The following PATL1 variants were observed in gnomAD, a reference collection of about 807,000 sequenced individuals.
The protein encoded by PATL1 is protein PAT1 homolog 1.
Under a neutral mutation model 100.6 loss-of-function variants are expected in PATL1, and 32 were observed. The observed-to-expected ratio is 0.32, with a 90% confidence interval of 0.24 to 0.43. The LOEUF is 0.43. Among genes scored for constraint, PATL1 ranks in the 20% least tolerant of loss-of-function variants. The pLI is 1.00. For missense variants in PATL1, 747 were observed against 949.9 expected, an observed-to-expected ratio of 0.79 and a Z score of 2.81; for synonymous variants, 332 against 330.0, an observed-to-expected ratio of 1.01 and a Z score of -0.07.
intron 15 of PATL1, 33 bp from the exon 16 acceptor site, chr11:59,643,068 G>A: frequency 6.2e-7 from 1 of 1,603,118 alleles, no homozygotes; most frequent in Non-Finnish European, 8.5e-7. Flanking sequence ...TTATATCCTG[G>A]CACGTGTTAC....
chr11:59,643,146 C>T (rs1861311639), intron 15 of PATL1, 111 bp from the exon 16 acceptor site: 9 of 1,143,906 alleles, frequency 7.9e-6, no homozygotes, highest in Non-Finnish European at 1.1e-5. Flanking sequence ...ACTTAAGGCA[C>T]AAGTCTGGCA....
chr11:59,642,723 C>T (rs1183537914), intron 16 of PATL1, 157 bp downstream of exon 16: 17 of 754,638 alleles, frequency 2.3e-5, no homozygotes, highest in Non-Finnish European at 2.1e-6. Context: ...TTGTTGAAAA[C>T]ACTGTTATTT....
At chr11:59,648,942 T>C (rs932064831) in intron 14 of PATL1, among the ~76,000 whole-genome samples, 2 of 152,242 alleles carry the variant, frequency 1.3e-5, no homozygotes, top group Admixed American at 6.5e-5. Flanking sequence ...CGAATAAGTA[T>C]TCAGGATTTA....
intron 3 of PATL1, 105 bp from the exon 4 acceptor site, chr11:59,659,051 G>GA (rs1300615282): frequency 9.8e-6 from 11 of 1,127,294 alleles, no homozygotes; most frequent in Non-Finnish European, 3.8e-6. Context: ...AGCTGCTTTA[G>GA]AATACGAAAT....
chr11:59,654,554 T>G (rs1861497794), intron 8 of PATL1, among the ~76,000 whole-genome samples: 1 of 151,944 alleles, frequency 6.6e-6, no homozygotes, highest in African/African-American at 2.4e-5. Context: ...ATAGTCATAT[T>G]TTTACATATC....
At chr11:59,658,582 C>T (rs1861575005) in intron 4 of PATL1, among the ~76,000 whole-genome samples, 1 of 152,068 alleles carries the variant, frequency 6.6e-6, no homozygotes, top group Non-Finnish European at 1.5e-5. Context: ...CTCAGCCTCT[C>T]AAAGTGCTGG....
At chr11:59,650,046 G>A (rs570943398) in intron 13 of PATL1, among the ~76,000 whole-genome samples, 7 of 151,636 alleles carry the variant, frequency 4.6e-5, no homozygotes, top group East Asian at 1.9e-4. Context: ...ACTTGAACCC[G>A]GTAGGCGGAG....
chr11:59,645,385 C>G (rs1031162052), intron 15 of PATL1, among the ~76,000 whole-genome samples: 9 of 124,966 alleles, frequency 7.2e-5, no homozygotes, highest in South Asian at 2.7e-4. Flanking sequence ...CACTTCCCCC[C>G]CCATCCACTT....
chr11:59,654,509 G>T, intron 8 of PATL1, among the ~76,000 whole-genome samples: 1 of 135,036 alleles, frequency 7.4e-6, no homozygotes, highest in South Asian at 2.3e-4. Context: ...AAAAAAAAAA[G>T]AGTCTATTCT....
Position 59,638,368 on chromosome 11 carries a change from A to G in PATL1, c.*22T>C, listed in dbSNP as rs1157035149. On this transcript the variant is annotated 3_prime_UTR_variant, in exon 19 of 19. Transcript: ENST00000300146. ...GTGCAGGTGGCAGCCAAAAGGAGGT[A>G]CAGGACACATTTGGAGATCTTTTAT... The G allele has an allele frequency of 6.2e-7, 1 of 1,610,258 alleles. No individual in the cohort carries two copies. Among genetic ancestry groups the G allele is most frequent in the Non-Finnish European group, 8.5e-7 (1 of 1,177,058 alleles).
intron 4 of PATL1, 141 bp downstream of exon 4, chr11:59,658,725 T>C (rs1023951610): frequency 1.1e-5 from 7 of 630,330 alleles, no homozygotes; most frequent in East Asian, 8.6e-5. Context: ...AAGAAAGGCA[T>C]AGCTAAGTGC....
Position 59,666,958 on chromosome 11 carries a change from C to A in PATL1, c.22G>T (p.Glu8Ter). 6.5e-7 allele frequency: 1 copy of A among 1,542,550 alleles called. No individual in the cohort carries two copies. The highest frequency in any genetic ancestry group is 2.0e-5 in the Admixed American group (1 of 49,226). MFRYESL[E>*]DCPLDEDEDA... Reference sequence around the variant, plus strand: ...TCATCTTCATCCAGAGGACAATCCTCCAAAGACTAAAAAAAAAGAAAAGAC... The same window carrying A: ...TCATCTTCATCCAGAGGACAATCCTACAAAGACTAAAAAAAAAGAAAAGAC... Residue 8 changes from glutamate to a stop codon, truncating the protein, a stop_gained, in exon 2 of 19, where the codon GAG becomes TAG. Coordinates refer to ENST00000300146, the MANE Select transcript of PATL1 (RefSeq NM_152716.3). LOFTEE classifies it high-confidence loss of function.
At position 59,647,641 on chromosome 11, in the gene PATL1, C is replaced by T. The variant is rs768720045; in HGVS notation, c.1893+113G>A. 1.8e-4 allele frequency: 202 copies of T among 1,154,130 alleles called. 1 individual carries two copies. Among genetic ancestry groups the T allele is most frequent in the Non-Finnish European group, 2.3e-4 (191 of 812,992 alleles). The allele number at this position is 1,154,130 out of a possible 1,614,324, so 71.5% of individuals were successfully genotyped here. A position where few individuals can be genotyped will look rare whatever the true frequency, so the allele number is the denominator to read the frequency against. ...GTTTTAAATAATCAAATCACACAGC[C>T]AAAGATTAGACAAAAATACAAAAGG... On this transcript the variant is annotated intron_variant, in intron 15 of 18. Transcript: ENST00000300146.
rs1404786477 is a variant in PATL1 at position 59,647,859 on chromosome 11, C to T, written c.1788G>A (p.Met596Ile). 2 of 1,613,904 alleles carry T rather than the reference C, an allele frequency of 1.2e-6. No individual in the cohort carries two copies. Among genetic ancestry groups the T allele is most frequent in the South Asian group, 1.1e-5 (1 of 91,080 alleles). Residue 596 changes from methionine to isoleucine, a missense_variant, in exon 15 of 19, where the codon ATG becomes ATA. By Grantham distance (10) the Met-to-Ile change is conservative. Around this residue, in one of 4 missense-constraint regions of PATL1, gnomAD observed 434 missense variants for 596.1 expected, o/e 0.73. Transcript: ENST00000300146. ...QIMCIRKGKR[M>I]VARILPFLST... ...AGAGGAAAGGAAGAATACGGGCAAC[C>T]ATTCTCTTCCCTTTTCGGATACACA...
rs765495382 is a variant in PATL1 at position 59,655,750 on chromosome 11, G to A, written c.814-10C>T. 10 of 1,573,268 alleles carry A rather than the reference G, an allele frequency of 6.4e-6. No individual in the cohort carries two copies. Among genetic ancestry groups the A allele is most frequent in the Middle Eastern group, 1.7e-4 (1 of 6,042 alleles). ...TCCGTCCAGGCTGTAGCTACAAAGAGGAAGAAGATCTTAGATTTAGACAAT... is the reference window on the plus strand; with the variant it reads ...TCCGTCCAGGCTGTAGCTACAAAGAAGAAGAAGATCTTAGATTTAGACAAT... On this transcript the variant is annotated splice_polypyrimidine_tract_variant and intron_variant, in intron 7 of 18. Coordinates refer to ENST00000300146, the MANE Select transcript of PATL1 (RefSeq NM_152716.3).
intron 16 of PATL1, among the ~76,000 whole-genome samples, chr11:59,640,445 C>T (rs1444126741): frequency 2.1e-5 from 3 of 144,906 alleles, no homozygotes; most frequent in East Asian, 4.3e-4. Context: ...ATGGGACGGG[C>T]GTGGTGGCTC....
At position 59,647,775 on chromosome 11, in the gene PATL1, G is replaced by A; in HGVS notation, c.1872C>T (p.Ile624=). Residue 624 remains isoleucine, a synonymous_variant, in exon 15 of 19, where the codon ATC becomes ATT. Transcript: ENST00000300146. ...TCACCTCATCTTGTGCATCCTTCTT[G>A]ATAAGGAAAGGGAGGTTCCTGGCTG... ...MTTARNLPFL[I]KKDAQDEVLP... 6.2e-7 allele frequency: 1 copy of A among 1,613,962 alleles called. No homozygotes were observed. Among genetic ancestry groups the A allele is most frequent in the Non-Finnish European group, 8.5e-7 (1 of 1,179,860 alleles).
intron 12 of PATL1, 41 bp from the exon 13 acceptor site, chr11:59,650,854 T>A (rs1370394095): frequency 7.3e-7 from 1 of 1,374,916 alleles, no homozygotes; most frequent in East Asian, 2.5e-5. Flanking sequence ...TCTTTATCTC[T>A]GTTAAAATAA....
In PATL1 at chr11:59,642,904, G is replaced by T. The variant is rs1406631267; in HGVS notation, c.2025C>A (p.His675Gln). 1 of 1,613,650 alleles carries T rather than the reference G, an allele frequency of 6.2e-7. No individual in the cohort carries two copies. The highest frequency in any genetic ancestry group is 1.3e-5 in the African/African-American group (1 of 74,894). Reference sequence around the variant, plus strand: ...CCTTGTTCTGGAGCACAGCAGTGAGGTGAGGATTGGAGAGTGCTGGTGTAG... The same window carrying T: ...CCTTGTTCTGGAGCACAGCAGTGAGTTGAGGATTGGAGAGTGCTGGTGTAG... ...SAATPALSNP[H>Q]LTAVLQNKFG... The change falls in exon 16 of 19, where the codon CAC (histidine) becomes CAA (glutamine). Residue 675 changes from histidine to glutamine, a missense_variant. Coordinates refer to ENST00000300146, the MANE Select transcript of PATL1 (RefSeq NM_152716.3).
Sources: allele counts gnomAD v4.1 joint callset (sites outside exome capture counted in the v4.1 genomes callset), GRCh38; gene constraint gnomAD v4.1.1; regional missense constraint gnomAD v4.1.1; transcripts MANE v1.5; gene names NCBI Gene and HGNC (gene_info 2026-07-23, HGNC 2026-07-21).